Variants in ATL2 observed in about 807,000 individuals in gnomAD.
ATL2 encodes atlastin-2.
Under a neutral mutation model 73.9 loss-of-function variants are expected in ATL2, and 31 were observed. The ratio of observed to expected loss-of-function variants is 0.42; its 90% CI spans 0.32 to 0.57. ATL2 has a LOEUF of 0.57. Among genes scored for constraint, ATL2 ranks in the 20% least tolerant of loss-of-function variants. The probability of loss-of-function intolerance (pLI) is 0.14; values close to 1 mark genes in which losing one functional copy is unlikely to be tolerated. For synonymous variants in ATL2, 291 were observed against 237.5 expected (o/e 1.23, Z -2.07); for missense variants, 738 against 702.6 (o/e 1.05, Z -0.57).
chr2:38,342,101 C>G (rs114340744), intron 2 of ATL2, among the ~76,000 whole-genome samples: 2 of 151,802 alleles, frequency 1.3e-5, no homozygotes. Context: ...CATTCCAACT[C>G]GAGTGAAAAA....
chr2:38,374,391 C>T (rs1671850398), intron 1 of ATL2, among the ~76,000 whole-genome samples: 1 of 152,208 alleles, frequency 6.6e-6, no homozygotes, highest in Non-Finnish European at 1.5e-5. Flanking sequence ...TACACCTGGA[C>T]TTTGAAAACC....
At chr2:38,339,055 A>G (rs1558427680) in intron 2 of ATL2, among the ~76,000 whole-genome samples, 1 of 152,084 alleles carries the variant, frequency 6.6e-6, no homozygotes. Context: ...ATCTCTATTG[A>G]AAATACAAAA....
chr2:38,315,022 C>T (rs962395043), intron 5 of ATL2, among the ~76,000 whole-genome samples: 3 of 152,206 alleles, frequency 2.0e-5, no homozygotes, highest in African/African-American at 2.4e-5. Context: ...GAGGCCGAGG[C>T]GGGCGGATCA....
intron 12 of ATL2, chr2:38,297,860 A>T: frequency 4.1e-6 from 1 of 243,252 alleles, no homozygotes. Flanking sequence ...TCAAAGAAAA[A>T]AATCATTACA....
intron 1 of ATL2, among the ~76,000 whole-genome samples, chr2:38,356,822 T>A (rs80108370): frequency 7.5e-6 from 1 of 133,754 alleles, no homozygotes; most frequent in Non-Finnish European, 1.5e-5. Flanking sequence ...ACCATTTCTA[T>A]ACATGTTTCC....
upstream of ATL2, among the ~76,000 whole-genome samples, chr2:38,377,467 C>T (rs1672062745): frequency 6.6e-6 from 1 of 150,914 alleles, no homozygotes; most frequent in Non-Finnish European, 1.5e-5. Context: ...GCTCGCTCCG[C>T]CCTCGCCCTG....
rs1671937992 is a variant in ATL2 at position 38,376,002 on chromosome 2, C to T, written c.118+1141G>A. The T allele has an allele frequency of 6.3e-6, 8 of 1,267,206 alleles. No individual in the cohort carries two copies. In the Admixed American group the frequency reaches 1.2e-4, roughly 20 times the overall value. 78.5% of individuals were successfully genotyped at this position (1,267,206 alleles called of 1,614,324 possible). A position where few individuals can be genotyped will look rare whatever the true frequency, so the allele number is the denominator to read the frequency against. ...TGAGTCCTTGTGGTTAACATCATAC[C>T]AAAATGCTTTACATTTTATCCAGCA... is the stretch of plus-strand genomic sequence containing the variant. On this transcript the variant is annotated intron_variant, in intron 1 of 12. Coordinates refer to ENST00000378954, the MANE Select transcript of ATL2 (RefSeq NM_001135673.4).
At chr2:38,352,133 C>CAAAAAAAAAAAA (rs778821586) in intron 1 of ATL2, among the ~76,000 whole-genome samples, 1 of 31,964 alleles carries the variant, frequency 3.1e-5, no homozygotes, top group African/African-American at 7.5e-5. Flanking sequence ...AAACAACAAC[C>CAAAAAAAAAAAA]AAAAAAAAAA....
rs1047482576 is a variant in ATL2 at position 38,369,587 on chromosome 2, AT to A, written c.118+7555del. 2.4e-3 allele frequency among the ~76,000 whole-genome samples: 346 copies of A among 145,976 alleles called. 3 individuals are homozygous for A. The highest frequency in any genetic ancestry group is 7.2e-3 in the African/African-American group (290 of 40,262). ...AGTCGTGAGCCACCATGCTCGGCCA[AT>A]TTTTTTTTTTTAATTAGCCAGGCAT... On this transcript the variant is annotated intron_variant, in intron 1 of 12. Transcript: ENST00000378954.
At chr2:38,377,517 T>C (rs899563238), upstream of ATL2, among the ~76,000 whole-genome samples, 2 of 149,960 alleles carry the variant, frequency 1.3e-5, no homozygotes, top group Non-Finnish European at 3.0e-5. Flanking sequence ...AAGTTTCTGG[T>C]TGGACTGGGG....
chr2:38,309,684 C>A (rs1447572973), intron 8 of ATL2, among the ~76,000 whole-genome samples, 178 bp from the exon 9 acceptor site: 1 of 151,860 alleles, frequency 6.6e-6, no homozygotes, highest in East Asian at 1.9e-4. Flanking sequence ...AAAATATAAT[C>A]CCCCTTACTC....
intron 1 of ATL2, among the ~76,000 whole-genome samples, chr2:38,356,706 C>T (rs902515477): frequency 6.6e-6 from 1 of 152,154 alleles, no homozygotes; most frequent in Non-Finnish European, 1.5e-5. Context: ...ATATTTGTAT[C>T]CATACTAACA....
At position 38,377,271 on chromosome 2, in the gene ATL2, T is replaced by C; in HGVS notation, c.-11A>G. 3 of 1,556,352 alleles carry C rather than the reference T, an allele frequency of 1.9e-6. No individual in the cohort carries two copies. Among genetic ancestry groups the C allele is most frequent in the African/African-American group, 1.4e-5 (1 of 72,872 alleles). ...GTCCCCCTCCGCCATCTTGTACCGA[T>C]TTAAAATTAACTCCCCACTGACGTC... On this transcript the variant is annotated 5_prime_UTR_variant, in exon 1 of 13. Coordinates refer to ENST00000378954, the MANE Select transcript of ATL2 (RefSeq NM_001135673.4).
In ATL2 at chr2:38,337,486, C is replaced by CAAAAAAAAAAAAAAAAAAAAA. The variant is rs755029194; in HGVS notation, c.363+5761_363+5781dup. Among the ~76,000 whole-genome samples, 13 of 21,662 alleles carry CAAAAAAAAAAAAAAAAAAAAA rather than the reference C, an allele frequency of 6.0e-4. 1 individual carries two copies. The highest frequency in any genetic ancestry group is 1.8e-3 in the Admixed American group (2 of 1,124). 14.2% of individuals were successfully genotyped at this position (21,662 alleles called of 152,430 possible). A position where few individuals can be genotyped will look rare whatever the true frequency, so the allele number is the denominator to read the frequency against. On this transcript the variant is annotated intron_variant, in intron 2 of 12. Transcript: ENST00000378954. ...TGGCGACAGAACAAGACTCTGTCTCCAAAAAAAAAAAAAAAAAAAAAAAAA... is the reference window on the plus strand; with the variant it reads ...TGGCGACAGAACAAGACTCTGTCTCCAAAAAAAAAAAAAAAAAAAAAAAAAAAAAAAAAAAAAAAAAAAAAA...
intron 2 of ATL2, among the ~76,000 whole-genome samples, chr2:38,323,609 G>C (rs907078082): frequency 2.6e-5 from 4 of 152,038 alleles, no homozygotes; most frequent in African/African-American, 9.7e-5. Flanking sequence ...ATTCTAAACA[G>C]TAAGAAACAA....
At chr2:38,369,457 T>C (rs1448974342) in intron 1 of ATL2, among the ~76,000 whole-genome samples, 2 of 151,608 alleles carry the variant, frequency 1.3e-5, no homozygotes, top group East Asian at 3.9e-4. Flanking sequence ...AAAAAATAAA[T>C]AAATTTTTTT....
At chr2:38,323,203 A>G (rs1668417484) in intron 2 of ATL2, among the ~76,000 whole-genome samples, 1 of 152,178 alleles carries the variant, frequency 6.6e-6, no homozygotes. Flanking sequence ...CTAATCTGAT[A>G]CTATTTACTA....
chr2:38,306,510 A>G (rs1235298722), intron 9 of ATL2, among the ~76,000 whole-genome samples: 1 of 152,234 alleles, frequency 6.6e-6, no homozygotes, highest in African/African-American at 2.4e-5. Context: ...ACTGAATTCA[A>G]CAACACATTA....
chr2:38,358,132 C>T (rs2124459152), intron 1 of ATL2, among the ~76,000 whole-genome samples: 2 of 152,242 alleles, frequency 1.3e-5, no homozygotes, highest in South Asian at 4.1e-4. Flanking sequence ...GATATATGGA[C>T]TAACAAGGGT....
Sources: allele counts gnomAD v4.1 joint callset (sites outside exome capture counted in the v4.1 genomes callset), GRCh38; gene constraint gnomAD v4.1.1; transcripts MANE v1.5; gene names NCBI Gene and HGNC (gene_info 2026-07-23, HGNC 2026-07-21).